Variants in FSHR observed in about 807,000 individuals in gnomAD.
FSHR encodes follicle stimulating hormone receptor.
A neutral mutation model predicts 52.1 loss-of-function variants in FSHR; 46 were observed. The ratio of observed to expected loss-of-function variants is 0.88; its 90% CI spans 0.70 to 1.13. The LOEUF (loss-of-function observed/expected upper bound fraction) is 1.13. Ranked by LOEUF, FSHR falls within the 50% of genes most tolerant of loss-of-function variation. The probability of loss-of-function intolerance (pLI) is 0.00; values close to 1 mark genes in which losing one functional copy is unlikely to be tolerated. For synonymous variants in FSHR, 399 were observed against 309.6 expected (o/e 1.29, Z -3.03); for missense variants, 964 against 834.6 (o/e 1.16, Z -1.91).
intron 1 of FSHR, among the ~76,000 whole-genome samples, chr2:49,068,880 C>T (rs1392606722): frequency 6.6e-6 from 1 of 152,054 alleles, no homozygotes; most frequent in East Asian, 1.9e-4. Flanking sequence ...CTGCTAGTCC[C>T]AGTAACCACT....
chr2:49,039,543 G>A (rs1668408426), intron 2 of FSHR, among the ~76,000 whole-genome samples: 1 of 152,152 alleles, frequency 6.6e-6, no homozygotes, highest in Admixed American at 6.5e-5. Flanking sequence ...TGTCTTCTTG[G>A]TGATTTTTAA....
chr2:49,012,033 A>G (rs1667294912), intron 4 of FSHR, among the ~76,000 whole-genome samples: 1 of 152,128 alleles, frequency 6.6e-6, no homozygotes, highest in Non-Finnish European at 1.5e-5. Context: ...ATGTCATGGC[A>G]GCCATTAACA....
At chr2:49,142,673 G>A (rs1270229991) in intron 1 of FSHR, among the ~76,000 whole-genome samples, 1 of 152,182 alleles carries the variant, frequency 6.6e-6, no homozygotes, top group Non-Finnish European at 1.5e-5. Context: ...CTGCATAGGG[G>A]ATAGACTGTT....
intron 1 of FSHR, among the ~76,000 whole-genome samples, chr2:49,137,282 G>C (rs1450922601): frequency 6.6e-6 from 1 of 151,894 alleles, no homozygotes; most frequent in African/African-American, 2.4e-5. Context: ...CTTAGGAATA[G>C]ATTTAACAAA....
chr2:48,962,723 A>G lies in FSHR; in HGVS notation c.*10T>C. On this transcript the variant is annotated 3_prime_UTR_variant, in exon 10 of 10. Coordinates refer to ENST00000406846, the MANE Select transcript of FSHR (RefSeq NM_000145.4). ...TCATTCAATACTCAGATACATTTTC[A>G]CATTGTGTTTTAGTTTTGGGCTAAA... is the stretch of plus-strand genomic sequence containing the variant. 6.2e-7 allele frequency: 1 copy of G among 1,611,838 alleles called. No individual in the cohort carries two copies. The highest frequency in any genetic ancestry group is 1.1e-5 in the South Asian group (1 of 91,038).
At chr2:49,146,650 C>T (rs570057328) in intron 1 of FSHR, among the ~76,000 whole-genome samples, 2 of 151,960 alleles carry the variant, frequency 1.3e-5, no homozygotes, top group South Asian at 4.1e-4. Flanking sequence ...GAATCTGACG[C>T]CTAGAGAAAG....
At chr2:49,127,462 G>A (rs367716206) in intron 1 of FSHR, among the ~76,000 whole-genome samples, 18 of 151,816 alleles carry the variant, frequency 1.2e-4, no homozygotes, top group African/African-American at 2.7e-4. Flanking sequence ...GAAATTGAAC[G>A]TGTCCTTTCT....
In FSHR at chr2:48,968,705, G is replaced by T; in HGVS notation, c.847C>A (p.Arg283=). ...SHCCAFANWR[R]QISELHPICN... is the part of the protein sequence containing the mutation. ...CTTAAAGGATGGACTCACATTTGCC[G>T]TCTCCAGTTTGCAAAGGCACAGCAA... The change falls in exon 9 of 10, where the codon CGG becomes AGG. Residue 283 remains arginine (R), a synonymous_variant. Transcript: ENST00000406846. The T allele has an allele frequency of 2.5e-6, 4 of 1,614,094 alleles. No homozygotes were observed. The highest frequency in any genetic ancestry group is 1.1e-5 in the South Asian group (1 of 91,082).
intron 2 of FSHR, among the ~76,000 whole-genome samples, chr2:49,039,147 A>G (rs888318826): frequency 1.3e-5 from 2 of 152,146 alleles, no homozygotes; most frequent in African/African-American, 4.8e-5. Context: ...TGTTGTAGCA[A>G]GTACAATTAT....
intron 4 of FSHR, among the ~76,000 whole-genome samples, chr2:49,002,711 T>A (rs544220893): frequency 6.6e-6 from 1 of 152,006 alleles, no homozygotes. Flanking sequence ...GGGATTACAA[T>A]TTGGATTACA....
At chr2:49,129,546 T>A (rs747331685) in intron 1 of FSHR, among the ~76,000 whole-genome samples, 1 of 152,150 alleles carries the variant, frequency 6.6e-6, no homozygotes, top group African/African-American at 2.4e-5. Context: ...CAGAGACAGA[T>A]GGGCCTTTTT....
At chr2:49,050,992 C>A (rs997550941) in intron 2 of FSHR, among the ~76,000 whole-genome samples, 14 of 152,058 alleles carry the variant, frequency 9.2e-5, no homozygotes, top group Admixed American at 8.5e-4. Context: ...ATATGGTATA[C>A]CTTCTGTGTC....
chr2:48,963,655 G>T lies in FSHR; in HGVS notation c.1166C>A (p.Thr389Asn). The change falls in exon 10 of 10, where the codon ACC (threonine) becomes AAC (asparagine). Residue 389 changes from threonine to asparagine, a missense_variant. By Grantham distance (65) the Thr-to-Asn change is moderately conservative (BLOSUM62 0). Transcript: ENST00000406846. ...GNIIVLVILT[T>N]SQYKLTVPRF... ...GGGGACTGTGAGTTTATATTGGCTG[G>T]TAGTTAGGATCACTAGCACTATGAT... 1 of 1,614,146 alleles carries T rather than the reference G, an allele frequency of 6.2e-7. No individual in the cohort carries two copies. The highest frequency in any genetic ancestry group is 1.1e-5 in the South Asian group (1 of 91,078).
chr2:49,022,236 G>C (rs1667751472), intron 2 of FSHR, among the ~76,000 whole-genome samples: 1 of 151,982 alleles, frequency 6.6e-6, no homozygotes, highest in East Asian at 1.9e-4. Flanking sequence ...CACATATTGA[G>C]AATTCCCTTA....
chr2:49,035,494 G>C (rs1232572652), intron 2 of FSHR, among the ~76,000 whole-genome samples: 1 of 152,092 alleles, frequency 6.6e-6, no homozygotes, highest in African/African-American at 2.4e-5. Context: ...AGGCCTCTGT[G>C]GCTATGCCTA....
Position 48,968,781 on chromosome 2 carries a change from A to G in FSHR, c.771T>C (p.Thr257=). ...RSTYNLKKLP[T]LEKLVALMEA... ...CCATGAGGGCGACAAGCTTTTCCAG[A>G]GTAGGCAGCTTTTTTAAGTTGTAAG... Residue 257 remains threonine, a synonymous_variant, in exon 9 of 10, where the codon ACT becomes ACC. Transcript: ENST00000406846. 6.2e-7 allele frequency: 1 copy of G among 1,614,152 alleles called. No homozygotes were observed. The highest frequency in any genetic ancestry group is 8.5e-7 in the Non-Finnish European group (1 of 1,180,010).
At chr2:49,031,246 A>G (rs1176509449) in intron 2 of FSHR, among the ~76,000 whole-genome samples, 2 of 152,216 alleles carry the variant, frequency 1.3e-5, no homozygotes, top group African/African-American at 4.8e-5. Context: ...CAGCTTCTGA[A>G]GGGGTCCTCT....
intron 1 of FSHR, among the ~76,000 whole-genome samples, chr2:49,138,483 A>G (rs1350734027): frequency 6.6e-6 from 1 of 152,248 alleles, no homozygotes; most frequent in Non-Finnish European, 1.5e-5. Context: ...TGGATAAACG[A>G]AATGTGGCAT....
intron 2 of FSHR, among the ~76,000 whole-genome samples, chr2:49,062,519 G>A (rs1203318477): frequency 6.6e-6 from 1 of 152,018 alleles, no homozygotes; most frequent in Non-Finnish European, 1.5e-5. Context: ...AGATTTTTAT[G>A]GAGAAGACCT....
Sources: gnomAD v4.1 joint callset for allele counts (sites outside exome capture counted in the v4.1 genomes callset) on GRCh38, gnomAD v4.1.1 for gene constraint, MANE v1.5 for transcripts, NCBI Gene and HGNC (gene_info 2026-07-23, HGNC 2026-07-21) for gene names.